The following TANC2 variants were observed in gnomAD, a reference collection of about 807,000 sequenced individuals.
TANC2 encodes the protein tetratricopeptide repeat, ankyrin repeat and coiled-coil containing 2, also known as protein TANC2.
In TANC2, 26 loss-of-function variants were observed where a neutral mutation model predicts 210.5. The ratio of observed to expected loss-of-function variants is 0.12; its 90% CI spans 0.09 to 0.17. The LOEUF (loss-of-function observed/expected upper bound fraction) is 0.17. TANC2 is among the 10% of genes least tolerant of loss of function. The pLI, the probability that TANC2 is intolerant of heterozygous loss-of-function variation, is 1.00. For synonymous variants in TANC2, 931 were observed against 967.1 expected (o/e 0.96, Z 0.69); for missense variants, 2,129 against 2,608.9 (o/e 0.82, Z 4.01).
chr17:63,156,952 C>G (rs2039861639), intron 5 of TANC2, among the ~76,000 whole-genome samples: 1 of 152,214 alleles, frequency 6.6e-6, no homozygotes, highest in South Asian at 2.1e-4. Context: ...GGGCCTCCCT[C>G]AGCACTTTTG....
At chr17:63,002,897 C>T (rs905480362) in intron 1 of TANC2, among the ~76,000 whole-genome samples, 2 of 152,098 alleles carry the variant, frequency 1.3e-5, no homozygotes, top group Non-Finnish European at 2.9e-5. Context: ...GACACCTAGT[C>T]TAGGTATAGG....
intron 5 of TANC2, among the ~76,000 whole-genome samples, chr17:63,177,264 CAAA>C (rs755034454): frequency 5.5e-5 from 4 of 73,270 alleles, no homozygotes; most frequent in Non-Finnish European, 8.0e-5. Context: ...GACTCTGTCT[CAAA>C]AAAAAAAAAA....
chr17:63,290,798 T>G (rs570552001), intron 9 of TANC2, among the ~76,000 whole-genome samples: 6 of 152,256 alleles, frequency 3.9e-5, no homozygotes, highest in African/African-American at 1.4e-4. Flanking sequence ...GACCAGAACA[T>G]AAACCAGTGT....
At chr17:63,332,523 G>T in intron 11 of TANC2, 1 of 388,450 alleles carries the variant, frequency 2.6e-6, no homozygotes, top group Admixed American at 2.9e-5. Context: ...ACTGGATTTA[G>T]AAATGCCAGC....
At chr17:63,364,574 A>C (rs2047056420) in intron 14 of TANC2, among the ~76,000 whole-genome samples, 1 of 152,182 alleles carries the variant, frequency 6.6e-6, no homozygotes, top group African/African-American at 2.4e-5. Context: ...CTTAGCCAAA[A>C]GGCCCAGAAG....
At chr17:63,269,966 T>G (rs938133289) in intron 9 of TANC2, among the ~76,000 whole-genome samples, 14 of 152,208 alleles carry the variant, frequency 9.2e-5, no homozygotes, top group Admixed American at 9.2e-4. Context: ...ACATTAATAC[T>G]TAGGCTGGAG....
chr17:62,997,207 T>A (rs2033161917), intron 1 of TANC2, among the ~76,000 whole-genome samples: 1 of 151,424 alleles, frequency 6.6e-6, no homozygotes, highest in Non-Finnish European at 1.5e-5. Context: ...GTGATCATAG[T>A]TCACTGTAAC....
intron 16 of TANC2, 64 bp downstream of exon 16, chr17:63,388,821 G>C: frequency 8.0e-7 from 1 of 1,255,166 alleles, no homozygotes; most frequent in Admixed American, 2.9e-5. Flanking sequence ...AAACTAGAAG[G>C]ACATTAAGTA....
chr17:63,363,576 A>T (rs1286410171), intron 14 of TANC2, among the ~76,000 whole-genome samples: 1 of 152,258 alleles, frequency 6.6e-6, no homozygotes, highest in Non-Finnish European at 1.5e-5. Flanking sequence ...TCTTCTGCCT[A>T]TGGATATCCA....
chr17:63,188,902 C>G (rs763428795), intron 5 of TANC2, among the ~76,000 whole-genome samples: 2 of 151,854 alleles, frequency 1.3e-5, no homozygotes, highest in East Asian at 1.9e-4. Context: ...TCACCCCCCC[C>G]CAAAAAAAAA....
chr17:62,981,490 C>T (rs970965483), intron 1 of TANC2, among the ~76,000 whole-genome samples: 7 of 152,162 alleles, frequency 4.6e-5, no homozygotes, highest in Non-Finnish European at 1.5e-5. Context: ...ACATTATTCT[C>T]CTTCTTTCTT....
intron 11 of TANC2, among the ~76,000 whole-genome samples, chr17:63,338,086 G>C (rs997167090): frequency 1.3e-5 from 2 of 152,198 alleles, no homozygotes; most frequent in African/African-American, 4.8e-5. Flanking sequence ...ACATACGTGT[G>C]CATGTGTCTT....
At chr17:63,163,567 A>G (rs1405179219) in intron 5 of TANC2, among the ~76,000 whole-genome samples, 2 of 152,202 alleles carry the variant, frequency 1.3e-5, no homozygotes, top group Non-Finnish European at 2.9e-5. Context: ...ACTATATACT[A>G]TTATACATCT....
chr17:63,360,208 C>G (rs1266798766), intron 14 of TANC2, among the ~76,000 whole-genome samples: 1 of 152,128 alleles, frequency 6.6e-6, no homozygotes, highest in East Asian at 1.9e-4. Flanking sequence ...AAATATGAGC[C>G]TCCAGGCAAG....
intron 1 of TANC2, among the ~76,000 whole-genome samples, chr17:62,973,601 C>T (rs1001083980): frequency 6.6e-6 from 1 of 152,120 alleles, no homozygotes; most frequent in African/African-American, 2.4e-5. Context: ...CAGAGTAAGT[C>T]CTGGACTGTA....
intron 7 of TANC2, among the ~76,000 whole-genome samples, chr17:63,214,286 A>T (rs1003539946): frequency 6.6e-5 from 10 of 152,204 alleles, no homozygotes; most frequent in African/African-American, 2.4e-4. Context: ...TGTGCCCAGG[A>T]TCAACACAAA....
At chr17:62,976,113 G>A (rs535472238) in intron 1 of TANC2, among the ~76,000 whole-genome samples, 51 of 152,192 alleles carry the variant, frequency 3.4e-4, no homozygotes, top group African/African-American at 1.1e-3. Flanking sequence ...ACTGTAAACC[G>A]AAAAACTCAG....
At chr17:63,018,721 G>A (rs899725803) in intron 2 of TANC2, among the ~76,000 whole-genome samples, 2 of 152,030 alleles carry the variant, frequency 1.3e-5, no homozygotes, top group African/African-American at 4.8e-5. Context: ...TCTCACACCT[G>A]CTCCCTTGTT....
chr17:63,211,515 G>A (rs2041884014), intron 7 of TANC2, among the ~76,000 whole-genome samples: 2 of 151,354 alleles, frequency 1.3e-5, no homozygotes, highest in South Asian at 2.1e-4. Flanking sequence ...ATCTTTTATC[G>A]TAAATCCAGC....
Sources: gnomAD v4.1 joint callset for allele counts (sites outside exome capture counted in the v4.1 genomes callset) on GRCh38, gnomAD v4.1.1 for gene constraint, MANE v1.5 for transcripts, NCBI Gene and HGNC (gene_info 2026-07-23, HGNC 2026-07-21) for gene names.